PCDHGA5: variants seen among roughly 807,000 people sequenced by gnomAD.
PCDHGA5 encodes protocadherin gamma-A5.
Under a neutral mutation model 56.7 loss-of-function variants are expected in PCDHGA5, and 36 were observed. That is an observed-to-expected ratio of 0.64 (90% CI 0.49 to 0.84). The LOEUF (loss-of-function observed/expected upper bound fraction) is 0.84, where lower values mean the gene tolerates loss of function less well. PCDHGA5 is among the 40% of genes least tolerant of loss of function. PCDHGA5 has a pLI of 0.00. For missense variants in PCDHGA5, 1,305 were observed against 1,201.5 expected (o/e 1.09, Z -1.27); for synonymous variants, 563 against 520.2 (o/e 1.08, Z -1.12).
chr5:141,413,651 C>T (rs377135032), intron 1 of PCDHGA5: 16 of 1,613,658 alleles, frequency 9.9e-6, no homozygotes, highest in Non-Finnish European at 8.5e-6. Context: ...TTTCCTCTCC[C>T]GGAAGCTATT....
At chr5:141,393,142 T>C in intron 1 of PCDHGA5, 1 of 1,613,286 alleles carries the variant, frequency 6.2e-7, no homozygotes, top group Non-Finnish European at 8.5e-7. Flanking sequence ...AACACCCTGG[T>C]TGAGGATAAA....
At chr5:141,382,930 A>G (rs1292069137) in intron 1 of PCDHGA5, 9 of 1,583,428 alleles carry the variant, frequency 5.7e-6, no homozygotes, top group East Asian at 4.5e-5. Context: ...CGGGGACTAC[A>G]GAGGATTCTT....
chr5:141,409,258 C>G (rs2095247947), intron 1 of PCDHGA5: 2 of 1,613,918 alleles, frequency 1.2e-6, no homozygotes, highest in Non-Finnish European at 8.5e-7. Flanking sequence ...TCACTTCTCT[C>G]TCTGATCAGA....
chr5:141,492,274 A>C (rs2099739010), intron 1 of PCDHGA5, among the ~76,000 whole-genome samples: 1 of 152,024 alleles, frequency 6.6e-6, no homozygotes, highest in Non-Finnish European at 1.5e-5. Flanking sequence ...CGGGCTCGCC[A>C]CGCCCCGCCA....
At chr5:141,413,070 T>G (rs990993849) in intron 1 of PCDHGA5, 1 of 1,195,014 alleles carries the variant, frequency 8.4e-7, no homozygotes, top group African/African-American at 1.5e-5. Context: ...GAATTTAAAG[T>G]GCCCAGGCTA....
chr5:141,446,188 T>G (rs566309564), intron 1 of PCDHGA5, among the ~76,000 whole-genome samples: 28 of 152,326 alleles, frequency 1.8e-4, no homozygotes, highest in African/African-American at 6.3e-4. Context: ...TTTTGTTTAT[T>G]ATTATATTCC....
At chr5:141,409,054 T>C (rs1314214077) in intron 1 of PCDHGA5, 2 of 1,613,910 alleles carry the variant, frequency 1.2e-6, no homozygotes, top group Non-Finnish European at 1.7e-6. Flanking sequence ...TCCGAAGCAC[T>C]GCCCAGAGCA....
intron 1 of PCDHGA5, among the ~76,000 whole-genome samples, chr5:141,492,641 G>A (rs2099742804): frequency 6.6e-6 from 1 of 152,226 alleles, no homozygotes; most frequent in African/African-American, 2.4e-5. Flanking sequence ...ACGATCCTTG[G>A]GCCAGAGGTC....
At chr5:141,442,309 G>C (rs1483682583) in intron 1 of PCDHGA5, 1 of 152,418 alleles carries the variant, frequency 6.6e-6, no homozygotes, top group Non-Finnish European at 1.5e-5. Flanking sequence ...TCTTTCCCAC[G>C]GATGTCTATC....
chr5:141,372,493 C>G lies in PCDHGA5; in HGVS notation c.2421+5742C>G, dbSNP rs998007585. On this transcript the variant is annotated intron_variant, in intron 1 of 3. Transcript: ENST00000518069. ...CTAGTAGTGGCGTTGGCCTTGATCT[C>G]AGTGCTCTTCCTCCTCGCGGTGATT... is the stretch of plus-strand genomic sequence containing the variant. 5 of 1,614,058 alleles carry G rather than the reference C, an allele frequency of 3.1e-6. No individual in the cohort carries two copies. In the African/African-American group the frequency reaches 4.0e-5, roughly 13 times the overall value.
chr5:141,487,798 G>A lies in PCDHGA5; in HGVS notation c.2422-7009G>A, dbSNP rs1197016007. 6.7e-7 allele frequency: 1 copy of A among 1,498,792 alleles called. No homozygotes were observed. Among genetic ancestry groups the A allele is most frequent in the South Asian group, 1.3e-5 (1 of 78,368 alleles). 92.8% of individuals were successfully genotyped at this position (1,498,792 alleles called of 1,614,324 possible). On this transcript the variant is annotated intron_variant, in intron 1 of 3. Coordinates refer to ENST00000518069, the MANE Select transcript of PCDHGA5 (RefSeq NM_018918.3). The surrounding 1 kb of genome is among the most constrained non-coding windows in gnomAD (Gnocchi z 5.0). ...ACTGTTTCGTGAATTAACCAGAGTT[G>A]TCACAGTTTAGCATTGGGGGCGGGT...
intron 2 of PCDHGA5, among the ~76,000 whole-genome samples, chr5:141,503,072 C>T (rs2099817948): frequency 6.6e-6 from 1 of 151,728 alleles, no homozygotes; most frequent in Non-Finnish European, 1.5e-5. Flanking sequence ...TCAGAATGGT[C>T]TCGATCTCCT....
intron 1 of PCDHGA5, among the ~76,000 whole-genome samples, chr5:141,450,313 T>G (rs2098676929): frequency 6.6e-6 from 1 of 152,172 alleles, no homozygotes; most frequent in Middle Eastern, 3.4e-3. Context: ...ATGTGTGGCC[T>G]AGTTGCCATG....
chr5:141,495,028 G>C, intron 2 of PCDHGA5, 163 bp downstream of exon 2: 3 of 966,196 alleles, frequency 3.1e-6, no homozygotes, highest in Non-Finnish European at 3.7e-6. Flanking sequence ...CACAGACCCC[G>C]GAAGGAAGAG....
At chr5:141,444,804 A>G (rs140326088) in intron 1 of PCDHGA5, among the ~76,000 whole-genome samples, 1 of 152,250 alleles carries the variant, frequency 6.6e-6, no homozygotes, top group Non-Finnish European at 1.5e-5. Flanking sequence ...TCTTTTACTA[A>G]TAGCACACTG....
At position 141,511,248 on chromosome 5, in the gene PCDHGA5, C is replaced by T; in HGVS notation, c.*75C>T. ...AGCTTCTCCTTACCTGCACCCAGGC[C>T]TCAGAGTTTCAGGGCTAACCCCCAG... On this transcript the variant is annotated 3_prime_UTR_variant, in exon 4 of 4. Transcript: ENST00000518069. 6.4e-7 allele frequency: 1 copy of T among 1,574,736 alleles called. No homozygotes were observed. The highest frequency in any genetic ancestry group is 8.6e-7 in the Non-Finnish European group (1 of 1,160,336).
chr5:141,424,408 T>G (rs942542788), intron 1 of PCDHGA5: 1 of 152,224 alleles, frequency 6.6e-6, no homozygotes, highest in Non-Finnish European at 1.5e-5. Flanking sequence ...TATGGTGAAG[T>G]TACATTGACT....
rs369793035 is a variant in PCDHGA5, at chr5:141,408,762, A to T, written c.2421+42011A>T. 57 of 1,610,942 alleles carry T rather than the reference A, an allele frequency of 3.5e-5. No homozygotes were observed. The highest frequency in any genetic ancestry group is 4.6e-5 in the Non-Finnish European group (54 of 1,178,454). On this transcript the variant is annotated intron_variant, in intron 1 of 3. Transcript: ENST00000518069. ...TCATTAATGGTTAGAGTTAATTCCG[A>T]TGGTGGCAAATACCCAGAGTTATCT...
In PCDHGA5 at chr5:141,511,281, G is replaced by A; in HGVS notation, c.*108G>A. The A allele has an allele frequency of 2.0e-6, 3 of 1,531,280 alleles. No homozygotes were observed. Among genetic ancestry groups the A allele is most frequent in the Non-Finnish European group, 2.6e-6 (3 of 1,137,132 alleles). 94.9% of individuals were successfully genotyped at this position (1,531,280 alleles called of 1,614,324 possible). ...TTCAGGGCTAACCCCCAGAATACTG[G>A]TAGGGGCCAAGGCCATGCTCCCCTT... On this transcript the variant is annotated 3_prime_UTR_variant, in exon 4 of 4. Transcript: ENST00000518069.
Sources: allele counts gnomAD v4.1 joint callset (sites outside exome capture counted in the v4.1 genomes callset), GRCh38; gene constraint gnomAD v4.1.1; non-coding constraint Gnocchi (gnomAD v3.1); transcripts MANE v1.5; gene names NCBI Gene and HGNC (gene_info 2026-07-23, HGNC 2026-07-21).